The following DNAJC13 variants were observed in gnomAD, a reference collection of about 807,000 sequenced individuals.
DNAJC13 encodes the protein DnaJ heat shock protein family (Hsp40) member C13, also known as dnaJ homolog subfamily C member 13.
A neutral mutation model predicts 290.5 loss-of-function variants in DNAJC13; 75 were observed. The ratio of observed to expected loss-of-function variants is 0.26; its 90% CI spans 0.21 to 0.31. The LOEUF is 0.31. Ranked by LOEUF, DNAJC13 falls within the 10% of genes least tolerant of loss-of-function variation. DNAJC13 has a pLI of 1.00. For missense variants in DNAJC13, 2,260 were observed against 2,674.5 expected, an observed-to-expected ratio of 0.85 and a Z score of 3.42; for synonymous variants, 862 against 892.0, an observed-to-expected ratio of 0.97 and a Z score of 0.60.
At chr3:132,420,143 A>G (rs1057330573) in intron 1 of DNAJC13, among the ~76,000 whole-genome samples, 1 of 152,276 alleles carries the variant, frequency 6.6e-6, no homozygotes, top group African/African-American at 2.4e-5. Context: ...GACAAAAAGC[A>G]TGATGAAAGC....
chr3:132,475,751 T>G (rs1309083634), intron 22 of DNAJC13, among the ~76,000 whole-genome samples: 1 of 152,142 alleles, frequency 6.6e-6, no homozygotes, highest in Non-Finnish European at 1.5e-5. Context: ...GTCCGTATTC[T>G]GCTAGATTTT....
intron 2 of DNAJC13, among the ~76,000 whole-genome samples, chr3:132,445,899 A>G (rs995633140): frequency 6.6e-6 from 1 of 152,054 alleles, no homozygotes; most frequent in Non-Finnish European, 1.5e-5. Context: ...TCCTTCAAAT[A>G]TGTTACTTGA....
Position 132,460,304 on chromosome 3 carries a change from C to T in DNAJC13, c.1504C>T (p.Leu502Phe), listed in dbSNP as rs1559878406. The change falls in exon 14 of 56, where the codon CTC becomes TTC. Residue 502 changes from leucine to phenylalanine, a missense_variant. Coordinates refer to ENST00000260818, the MANE Select transcript of DNAJC13 (RefSeq NM_015268.4). ...RQEQLNKASLLSSKKFLENLL... is the reference protein window; with the variant it reads ...RQEQLNKASLFSSKKFLENLL... ...AGAACAGTTGAACAAAGCTTCTCTT[C>T]TCTCGTCAAAGAAGTTTCTGGAAAA... 3.1e-6 allele frequency: 5 copies of T among 1,612,220 alleles called. No individual in the cohort carries two copies. The East Asian group carries it at 1.1e-4, about 36-fold the overall frequency.
Position 132,516,637 on chromosome 3 carries a change from T to C in DNAJC13, c.5561-67T>C, listed in dbSNP as rs1376273766. On this transcript the variant is annotated intron_variant, in intron 47 of 55. Transcript: ENST00000260818. The stretch of plus-strand genomic sequence containing the variant: ...AAAACTACATTCAGTTGAAATATGG[T>C]TGAAAATGAATTCTGATTAGAAAAG... The C allele has an allele frequency of 5.9e-6, 9 of 1,535,906 alleles. No homozygotes were observed. In the Middle Eastern group the frequency reaches 5.1e-4, roughly 88 times the overall value.
At chr3:132,516,531 G>A in intron 47 of DNAJC13, 35 bp downstream of exon 47, 1 of 1,600,776 alleles carries the variant, frequency 6.2e-7, no homozygotes, top group Non-Finnish European at 8.6e-7. Context: ...CTAGTCATGT[G>A]CAATATAATG....
intron 55 of DNAJC13, among the ~76,000 whole-genome samples, chr3:132,537,857 C>T (rs1016466412): frequency 6.6e-5 from 10 of 152,192 alleles, no homozygotes; most frequent in Admixed American, 3.3e-4. Flanking sequence ...TTTTTCCATT[C>T]GACATAGTTC....
At chr3:132,514,901 ACCTGGGATT>A in intron 46 of DNAJC13, 1 of 149,218 alleles carries the variant, frequency 6.7e-6, no homozygotes, top group South Asian at 2.4e-4. Context: ...AAGGAAAATA[ACCTGGGATT>A]TTCAGTTTGT....
At chr3:132,438,613 A>G (rs1932940160) in intron 2 of DNAJC13, among the ~76,000 whole-genome samples, 1 of 152,204 alleles carries the variant, frequency 6.6e-6, no homozygotes, top group Non-Finnish European at 1.5e-5. Context: ...AAAGATGTAT[A>G]AATATTTTTT....
At position 132,431,637 on chromosome 3, in the gene DNAJC13, G is replaced by A. The variant is rs529068637; in HGVS notation, c.-13-2901G>A. On this transcript the variant is annotated intron_variant, in intron 1 of 55. Transcript: ENST00000260818. ...TTTAAAAAATGTTTTTACCACTCAG[G>A]TATATACCTAAGAGAAATGAGTATG... 2.0e-5 allele frequency among the ~76,000 whole-genome samples: 3 copies of A among 152,156 alleles called. No homozygotes were observed. In the South Asian group the frequency reaches 6.2e-4, roughly 32 times the overall value.
rs141045251 is a variant in DNAJC13 at position 132,482,369 on chromosome 3, A to G, written c.2979+39A>G. 4.0e-3 allele frequency: 6,019 copies of G among 1,513,576 alleles called. 41 individuals are homozygous for G. Among genetic ancestry groups the G allele is most frequent in the South Asian group, 9.6e-3 (845 of 87,880 alleles). The allele number at this position is 1,513,576 out of a possible 1,614,324, so 93.8% of individuals were successfully genotyped here. On this transcript the variant is annotated intron_variant, in intron 27 of 55. Transcript: ENST00000260818. ...AGATACTTTTGGTGAAGGTCTCAGCATTTCTTATGCCCTCCTGCTTAGCAC... is the reference window on the plus strand; with the variant it reads ...AGATACTTTTGGTGAAGGTCTCAGCGTTTCTTATGCCCTCCTGCTTAGCAC...
At position 132,497,144 on chromosome 3, in the gene DNAJC13, G is replaced by T. The variant is rs181170167; in HGVS notation, c.4156+481G>T. ...CTTCTCATACGTTCTATTTCCTATTGTAGCTCTCAGGACCCTCTAGTCCTG... is the reference window on the plus strand; with the variant it reads ...CTTCTCATACGTTCTATTTCCTATTTTAGCTCTCAGGACCCTCTAGTCCTG... On this transcript the variant is annotated intron_variant, in intron 36 of 55. Coordinates refer to ENST00000260818, the MANE Select transcript of DNAJC13 (RefSeq NM_015268.4). 5.5e-3 allele frequency among the ~76,000 whole-genome samples: 845 copies of T among 152,254 alleles called. 4 individuals carry two copies. Among genetic ancestry groups the T allele is most frequent in the South Asian group, 0.012 (56 of 4,820 alleles).
At chr3:132,424,272 A>G (rs1939036170) in intron 1 of DNAJC13, among the ~76,000 whole-genome samples, 1 of 152,148 alleles carries the variant, frequency 6.6e-6, no homozygotes, top group South Asian at 2.1e-4. Flanking sequence ...AATTTTTTTA[A>G]CAACAGATAA....
intron 32 of DNAJC13, 32 bp from the exon 33 acceptor site, chr3:132,492,382 T>C (rs749985415): frequency 1.2e-6 from 2 of 1,608,818 alleles, no homozygotes; most frequent in Non-Finnish European, 1.7e-6. Flanking sequence ...TAATACCTCA[T>C]AAAGCTTGAA....
chr3:132,521,713 C>G (rs1936096139), intron 48 of DNAJC13, among the ~76,000 whole-genome samples: 1 of 152,186 alleles, frequency 6.6e-6, no homozygotes, highest in Non-Finnish European at 1.5e-5. Flanking sequence ...ACTTTGTCTA[C>G]CTTCTCTTGT....
chr3:132,496,613 T>C lies in DNAJC13; in HGVS notation c.4106T>C (p.Ile1369Thr), dbSNP rs1250840227. ...KIVDGPDPEN[I>T]ILILKTQSIL... The stretch of plus-strand genomic sequence containing the variant: ...GTGGATGGGCCAGATCCAGAGAATA[T>C]AATTTTAATTCTAAAAACACAGAGC... The change falls in exon 36 of 56, where the codon ATA (isoleucine) becomes ACA (threonine). Residue 1369 changes from isoleucine (I) to threonine (T), a missense_variant. Around this residue, in one of 3 missense-constraint regions of DNAJC13, gnomAD observed 1,494 missense variants for 1,693.7 expected, o/e 0.88. Transcript: ENST00000260818. 1 of 1,611,236 alleles carries C rather than the reference T, an allele frequency of 6.2e-7. No individual in the cohort carries two copies. Among genetic ancestry groups the C allele is most frequent in the East Asian group, 2.2e-5 (1 of 44,702 alleles).
intron 2 of DNAJC13, among the ~76,000 whole-genome samples, chr3:132,438,322 C>T (rs1362979517): frequency 6.6e-6 from 1 of 152,196 alleles, no homozygotes; most frequent in Admixed American, 6.5e-5. Flanking sequence ...TTAAATGGCA[C>T]TGAGACTTTT....
intron 2 of DNAJC13, among the ~76,000 whole-genome samples, chr3:132,440,290 A>G (rs1933015359): frequency 1.3e-5 from 2 of 152,362 alleles, no homozygotes; most frequent in South Asian, 4.1e-4. Flanking sequence ...TAAAACATAA[A>G]TGTACTAATT....
rs997641936 is a variant in DNAJC13, at chr3:132,488,908, T to C, written c.3423-68T>C. The C allele has an allele frequency of 6.5e-6, 8 of 1,230,802 alleles. No individual in the cohort carries two copies. In the African/African-American group the frequency reaches 1.2e-4, roughly 18 times the overall value. 76.2% of individuals were successfully genotyped at this position (1,230,802 alleles called of 1,614,324 possible). A position where few individuals can be genotyped will look rare whatever the true frequency, so the allele number is the denominator to read the frequency against. ...ATTTAGCTATAAAAGATCTAGTCTTTAGAAAACTAAGGTTACAAAAACTAA... is the reference window on the plus strand; with the variant it reads ...ATTTAGCTATAAAAGATCTAGTCTTCAGAAAACTAAGGTTACAAAAACTAA... On this transcript the variant is annotated intron_variant, in intron 30 of 55. Coordinates refer to ENST00000260818, the MANE Select transcript of DNAJC13 (RefSeq NM_015268.4).
At position 132,453,989 on chromosome 3, in the gene DNAJC13, A is replaced by C. The variant is rs1933504127; in HGVS notation, c.841-77A>C. On this transcript the variant is annotated intron_variant, in intron 8 of 55. Transcript: ENST00000260818. ...TTAAAATACTGACTTTTGTAAGCTAAGTGATGCATTTTATAATGAAATACT... is the reference window on the plus strand; with the variant it reads ...TTAAAATACTGACTTTTGTAAGCTACGTGATGCATTTTATAATGAAATACT... 1.0e-5 allele frequency: 11 copies of C among 1,087,544 alleles called. No individual in the cohort carries two copies. The South Asian group carries it at 1.5e-4, about 14-fold the overall frequency. 67.4% of individuals were successfully genotyped at this position (1,087,544 alleles called of 1,614,324 possible). A position where few individuals can be genotyped will look rare whatever the true frequency, so the allele number is the denominator to read the frequency against.
Sources: gnomAD v4.1 joint callset for allele counts (sites outside exome capture counted in the v4.1 genomes callset) on GRCh38, gnomAD v4.1.1 for gene constraint, gnomAD v4.1.1 regional missense constraint, MANE v1.5 for transcripts, NCBI Gene and HGNC (gene_info 2026-07-23, HGNC 2026-07-21) for gene names.